The following TNS3 variants were observed in gnomAD, a reference collection of about 807,000 sequenced individuals.
The protein encoded by TNS3 is tensin-3.
A neutral mutation model predicts 140.9 loss-of-function variants in TNS3; 45 were observed. The ratio of observed to expected loss-of-function variants is 0.32; its 90% CI spans 0.25 to 0.41. The LOEUF (loss-of-function observed/expected upper bound fraction) is 0.41. Ranked by LOEUF, TNS3 falls within the 10% of genes least tolerant of loss-of-function variation. TNS3 has a pLI of 1.00. For missense variants in TNS3, 1,716 were observed against 1,906.7 expected (o/e 0.90, Z 1.86); for synonymous variants, 815 against 788.4 (o/e 1.03, Z -0.56).
Position 47,275,239 on chromosome 7 carries a change from C to T in TNS3, c.*2837G>A, listed in dbSNP as rs999959792. On this transcript the variant is annotated 3_prime_UTR_variant, in exon 31 of 31. Transcript: ENST00000311160. ...ATGACTATACAAAAGATTTATAGAA[C>T]ATTCATTTACATACTGGATATATTC... is the stretch of plus-strand genomic sequence containing the variant. 2.0e-5 allele frequency: 3 copies of T among 152,632 alleles called. No individual in the cohort carries two copies. Among genetic ancestry groups the T allele is most frequent in the Non-Finnish European group, 4.4e-5 (3 of 68,042 alleles). The allele number at this position is 152,632 out of a possible 1,614,324, so 9.5% of individuals were successfully genotyped here. A position where few individuals can be genotyped will look rare whatever the true frequency, so the allele number is the denominator to read the frequency against.
intron 16 of TNS3, among the ~76,000 whole-genome samples, chr7:47,378,855 G>A (rs762905519): frequency 5.9e-5 from 9 of 152,212 alleles, no homozygotes; most frequent in Non-Finnish European, 8.8e-5. Context: ...TCCTGGATTT[G>A]CTAGGTCAAC....
intron 4 of TNS3, among the ~76,000 whole-genome samples, chr7:47,449,807 T>C (rs573831590): frequency 1.3e-5 from 2 of 152,306 alleles, no homozygotes; most frequent in African/African-American, 4.8e-5. Flanking sequence ...GGTTTCACCA[T>C]GTTGGCCAGG....
chr7:47,557,012 G>A (rs1800212760), intron 1 of TNS3: 1 of 456,426 alleles, frequency 2.2e-6, no homozygotes, highest in South Asian at 1.5e-5. Flanking sequence ...AGGAGCAGCG[G>A]GGGCGGGGAG....
chr7:47,388,589 G>T (rs1792209059), intron 16 of TNS3, among the ~76,000 whole-genome samples: 2 of 152,170 alleles, frequency 1.3e-5, no homozygotes, highest in Non-Finnish European at 2.9e-5. Context: ...AGTAGGCCAG[G>T]CGTGGTGGCT....
intron 13 of TNS3, among the ~76,000 whole-genome samples, chr7:47,409,401 T>C (rs1018328501): frequency 1.3e-5 from 2 of 151,940 alleles, no homozygotes; most frequent in Non-Finnish European, 2.9e-5. Context: ...GGCCGTCCCA[T>C]GCTCTTGGTG....
intron 26 of TNS3, among the ~76,000 whole-genome samples, chr7:47,292,456 T>C (rs930345787): frequency 6.6e-6 from 1 of 152,226 alleles, no homozygotes; most frequent in South Asian, 2.1e-4. Context: ...GAACAGTGCA[T>C]CCATCATCTA....
At chr7:47,301,013 T>C (rs1441330291) in intron 23 of TNS3, among the ~76,000 whole-genome samples, 2 of 152,228 alleles carry the variant, frequency 1.3e-5, no homozygotes, top group African/African-American at 2.4e-5. Flanking sequence ...CATAACTGAA[T>C]AGCAGAATTT....
intron 1 of TNS3, among the ~76,000 whole-genome samples, chr7:47,558,040 C>T (rs1800241965): frequency 6.6e-6 from 1 of 152,200 alleles, no homozygotes; most frequent in Non-Finnish European, 1.5e-5. Flanking sequence ...CCACTCCCAC[C>T]CCCACCAAGG....
chr7:47,376,724 AAG>A (rs1467946168), intron 16 of TNS3, among the ~76,000 whole-genome samples: 3 of 37,172 alleles, frequency 8.1e-5, no homozygotes, highest in African/African-American at 2.0e-4. Context: ...TATCTAGATC[AAG>A]ACACACACAC....
At chr7:47,508,515 C>T (rs753373951) in intron 2 of TNS3, among the ~76,000 whole-genome samples, 10 of 152,182 alleles carry the variant, frequency 6.6e-5, no homozygotes, top group East Asian at 3.9e-4. Context: ...AGGAGAAGGG[C>T]GGTGGGCAGG....
At chr7:47,355,096 C>T (rs1247063958) in intron 17 of TNS3, among the ~76,000 whole-genome samples, 5 of 152,232 alleles carry the variant, frequency 3.3e-5, no homozygotes, top group Admixed American at 6.5e-5. Flanking sequence ...CTGTTATTCA[C>T]GGGTGGAGCC....
intron 13 of TNS3, among the ~76,000 whole-genome samples, chr7:47,403,049 G>C (rs145463218): frequency 6.6e-6 from 1 of 152,094 alleles, no homozygotes; most frequent in African/African-American, 2.4e-5. Flanking sequence ...GCTCCAGTAC[G>C]GGCCACATAA....
intron 20 of TNS3, among the ~76,000 whole-genome samples, chr7:47,334,801 GT>G: frequency 6.6e-6 from 1 of 152,094 alleles, no homozygotes; most frequent in South Asian, 2.1e-4. Context: ...TAGAGACAGG[GT>G]TTCACCATGT....
At chr7:47,335,548 A>G (rs1275218352) in intron 20 of TNS3, among the ~76,000 whole-genome samples, 3 of 152,200 alleles carry the variant, frequency 2.0e-5, no homozygotes, top group African/African-American at 7.2e-5. Context: ...TCTCTGGGAA[A>G]AGCAGGATTC....
At chr7:47,476,673 C>T (rs558131252) in intron 4 of TNS3, among the ~76,000 whole-genome samples, 6 of 152,198 alleles carry the variant, frequency 3.9e-5, no homozygotes, top group African/African-American at 2.4e-5. Flanking sequence ...TTAGTCTACA[C>T]CCTCCATAAT....
rs1397268780 is a variant in TNS3, at chr7:47,407,031, A to T, written c.723+4696T>A. ...ACCCAGAAGAAGCATGAACGGGAGG[A>T]GGGGATGGCTCCCGCTCCTCTCTAG... On this transcript the variant is annotated intron_variant, in intron 13 of 30. Transcript: ENST00000311160. The surrounding 1 kb of genome is among the most constrained non-coding windows in gnomAD (Gnocchi z 4.1). 6.6e-6 allele frequency among the ~76,000 whole-genome samples: 1 copy of T among 152,086 alleles called. No individual in the cohort carries two copies. Among genetic ancestry groups the T allele is most frequent in the Non-Finnish European group, 1.5e-5 (1 of 68,016 alleles).
At chr7:47,292,988 A>G in intron 25 of TNS3, 83 bp from the exon 26 acceptor site, 1 of 1,223,846 alleles carries the variant, frequency 8.2e-7, no homozygotes, top group Non-Finnish European at 1.2e-6. Context: ...CTGGAATGAA[A>G]CGGATGCAAA....
At chr7:47,519,009 T>TC (rs1798874420) in intron 2 of TNS3, among the ~76,000 whole-genome samples, 1 of 151,964 alleles carries the variant, frequency 6.6e-6, no homozygotes. Context: ...GCTGACAGAG[T>TC]CCTTTTACGT....
At chr7:47,473,096 T>C (rs1457873169) in intron 4 of TNS3, among the ~76,000 whole-genome samples, 1 of 152,224 alleles carries the variant, frequency 6.6e-6, no homozygotes, top group African/African-American at 2.4e-5. Context: ...TCCTCCACCG[T>C]GCCCTGCCAA....
Sources: gnomAD v4.1 joint callset for allele counts (sites outside exome capture counted in the v4.1 genomes callset) on GRCh38, gnomAD v4.1.1 for gene constraint, Gnocchi (gnomAD v3.1) non-coding constraint, MANE v1.5 for transcripts, NCBI Gene and HGNC (gene_info 2026-07-23, HGNC 2026-07-21) for gene names.